Variants in CNTNAP5 observed in about 807,000 individuals in gnomAD.
The protein encoded by CNTNAP5 is contactin associated protein family member 5, also known as contactin-associated protein-like 5.
In CNTNAP5, 72 loss-of-function variants were observed where a neutral mutation model predicts 150.2. The observed-to-expected ratio is 0.48, with a 90% confidence interval of 0.40 to 0.58. The LOEUF is 0.58. Among genes scored for constraint, CNTNAP5 ranks in the 20% least tolerant of loss-of-function variants. The pLI is 0.00. For synonymous variants in CNTNAP5, 672 were observed against 619.8 expected, an observed-to-expected ratio of 1.08 and a Z score of -1.25; for missense variants, 1,636 against 1,626.2, an observed-to-expected ratio of 1.01 and a Z score of -0.10.
chr2:124,196,745 A>C (rs1283966751), intron 1 of CNTNAP5, among the ~76,000 whole-genome samples: 1 of 152,214 alleles, frequency 6.6e-6, no homozygotes, highest in Non-Finnish European at 1.5e-5. Context: ...GTAAAATACC[A>C]AAGAAACACA....
chr2:124,039,791 A>G (rs1681318385), intron 1 of CNTNAP5, among the ~76,000 whole-genome samples: 1 of 152,212 alleles, frequency 6.6e-6, no homozygotes. Flanking sequence ...ATAATTAAAT[A>G]TAGGATGGTA....
At chr2:124,079,133 T>C (rs539030513) in intron 1 of CNTNAP5, among the ~76,000 whole-genome samples, 1 of 152,170 alleles carries the variant, frequency 6.6e-6, no homozygotes, top group Admixed American at 6.5e-5. Context: ...AAGTCATAAG[T>C]AGGACAAAGA....
intron 4 of CNTNAP5, among the ~76,000 whole-genome samples, chr2:124,420,136 G>A (rs532524301): frequency 1.7e-4 from 26 of 151,056 alleles, no homozygotes; most frequent in African/African-American, 4.1e-4. Flanking sequence ...GATTACAGGC[G>A]TGCACCACCA....
At chr2:124,644,432 G>C (rs1678162264) in intron 12 of CNTNAP5, among the ~76,000 whole-genome samples, 1 of 152,130 alleles carries the variant, frequency 6.6e-6, no homozygotes, top group Non-Finnish European at 1.5e-5. Flanking sequence ...ATGAAAGATT[G>C]ACTCTCTAAT....
chr2:124,362,569 C>G (rs1690242723), intron 3 of CNTNAP5, among the ~76,000 whole-genome samples: 1 of 152,188 alleles, frequency 6.6e-6, no homozygotes, highest in Non-Finnish European at 1.5e-5. Context: ...CTTTCAGCTT[C>G]TCTATCATGG....
At chr2:124,608,274 G>C (rs1677298963) in intron 11 of CNTNAP5, among the ~76,000 whole-genome samples, 1 of 152,150 alleles carries the variant, frequency 6.6e-6, no homozygotes, top group African/African-American at 2.4e-5. Flanking sequence ...ACAGCATTTT[G>C]TCTGAAGCAT....
rs193063468 is a variant in CNTNAP5 at position 124,285,864 on chromosome 2, G to A, written c.381+43471G>A. Among the ~76,000 whole-genome samples the A allele has an allele frequency of 2.2e-3, 341 of 151,854 alleles. 1 individual carries two copies. The highest frequency in any genetic ancestry group is 7.7e-3 in the African/African-American group (320 of 41,436). On this transcript the variant is annotated intron_variant, in intron 3 of 23. Transcript: ENST00000682447. ...AGAAAAGAGAAGAGAGAAAACCCTGGGTATGTAAATCTTGTTGACACTGTC... is the reference window on the plus strand; with the variant it reads ...AGAAAAGAGAAGAGAGAAAACCCTGAGTATGTAAATCTTGTTGACACTGTC...
At chr2:124,257,568 G>T (rs1687343313) in intron 3 of CNTNAP5, among the ~76,000 whole-genome samples, 1 of 152,130 alleles carries the variant, frequency 6.6e-6, no homozygotes, top group Non-Finnish European at 1.5e-5. Flanking sequence ...TCAAGATCTA[G>T]TTCAGCTCTA....
chr2:124,604,303 T>C lies in CNTNAP5; in HGVS notation c.1757-5498T>C, dbSNP rs151298816. ...ATTAGCTTTTTCTTGCTATGTTTAA[T>C]AGTTTCATAATATAATAGCAATATC... is the stretch of plus-strand genomic sequence containing the variant. On this transcript the variant is annotated intron_variant, in intron 11 of 23. Coordinates refer to ENST00000682447, the MANE Select transcript of CNTNAP5 (RefSeq NM_001367498.1). Among the ~76,000 whole-genome samples the C allele has an allele frequency of 2.8e-3, 423 of 152,308 alleles. 2 individuals are homozygous for C. Among genetic ancestry groups the C allele is most frequent in the African/African-American group, 9.6e-3 (400 of 41,574 alleles).
At chr2:124,486,809 A>C (rs1693891676) in intron 7 of CNTNAP5, among the ~76,000 whole-genome samples, 1 of 152,172 alleles carries the variant, frequency 6.6e-6, no homozygotes, top group African/African-American at 2.4e-5. Flanking sequence ...TGAAACTACT[A>C]CTTTTATTAT....
At chr2:124,100,780 A>C (rs1169779763) in intron 1 of CNTNAP5, among the ~76,000 whole-genome samples, 1 of 150,816 alleles carries the variant, frequency 6.6e-6, no homozygotes, top group East Asian at 2.0e-4. Context: ...CACTAGAATC[A>C]TTTGAACCTG....
chr2:124,079,090 C>T (rs567614091), intron 1 of CNTNAP5, among the ~76,000 whole-genome samples: 7 of 152,122 alleles, frequency 4.6e-5, no homozygotes, highest in Non-Finnish European at 1.0e-4. Context: ...TGAGTCTGGG[C>T]TTAAGTGAAA....
Position 124,505,798 on chromosome 2 carries a change from A to C in CNTNAP5, c.1327+1242A>C, listed in dbSNP as rs577666459. Among the ~76,000 whole-genome samples the C allele has an allele frequency of 1.4e-4, 22 of 152,272 alleles. No homozygotes were observed. The South Asian group carries it at 2.3e-3, about 16-fold the overall frequency. On this transcript the variant is annotated intron_variant, in intron 8 of 23. Coordinates refer to ENST00000682447, the MANE Select transcript of CNTNAP5 (RefSeq NM_001367498.1). Reference sequence around the variant, plus strand: ...CATTGAGGTCAAATCTCACATGCCAAGGATTGGGCAGGGATTGGTCTGCAG... The same window carrying C: ...CATTGAGGTCAAATCTCACATGCCACGGATTGGGCAGGGATTGGTCTGCAG...
chr2:124,653,973 G>A (rs564762502), intron 13 of CNTNAP5, among the ~76,000 whole-genome samples: 53 of 127,764 alleles, frequency 4.1e-4, no homozygotes, highest in Non-Finnish European at 7.4e-4. Flanking sequence ...GAAAGGTCCA[G>A]AAGGACAAAT....
At chr2:124,701,534 G>T (rs1171024103) in intron 13 of CNTNAP5, among the ~76,000 whole-genome samples, 2 of 152,060 alleles carry the variant, frequency 1.3e-5, no homozygotes, top group Admixed American at 6.6e-5. Context: ...TCTTTTGGGG[G>T]TATGCATTGA....
Position 124,151,273 on chromosome 2 carries a change from T to C in CNTNAP5, c.83-70432T>C, listed in dbSNP as rs139950410. Among the ~76,000 whole-genome samples the C allele has an allele frequency of 1.5e-4, 23 of 152,272 alleles. No individual in the cohort carries two copies. In the East Asian group the frequency reaches 3.5e-3, roughly 23 times the overall value. On this transcript the variant is annotated intron_variant, in intron 1 of 23. Coordinates refer to ENST00000682447, the MANE Select transcript of CNTNAP5 (RefSeq NM_001367498.1). Reference sequence around the variant, plus strand: ...GAATCCTAAGAACAATGCCAAGCCCTGAGAGGTTTCTAAACAGAGGAGAGA... The same window carrying C: ...GAATCCTAAGAACAATGCCAAGCCCCGAGAGGTTTCTAAACAGAGGAGAGA...
intron 3 of CNTNAP5, among the ~76,000 whole-genome samples, chr2:124,402,137 A>T (rs747246799): frequency 1.3e-5 from 2 of 152,178 alleles, no homozygotes; most frequent in Non-Finnish European, 2.9e-5. Context: ...CCATGTTAGG[A>T]TCCCTTCATA....
chr2:124,610,238 GCAAA>G (rs1294432454), intron 12 of CNTNAP5, among the ~76,000 whole-genome samples: 4 of 152,230 alleles, frequency 2.6e-5, no homozygotes, highest in East Asian at 3.9e-4. Context: ...AGGTAAATAA[GCAAA>G]CAAACAAACA....
intron 14 of CNTNAP5, among the ~76,000 whole-genome samples, chr2:124,757,194 G>A (rs1193210792): frequency 6.6e-6 from 1 of 152,214 alleles, no homozygotes; most frequent in African/African-American, 2.4e-5. Flanking sequence ...TGTGAATGTG[G>A]AACAGAAGAG....
Sources: gnomAD v4.1 joint callset for allele counts (sites outside exome capture counted in the v4.1 genomes callset) on GRCh38, gnomAD v4.1.1 for gene constraint, MANE v1.5 for transcripts, NCBI Gene and HGNC (gene_info 2026-07-23, HGNC 2026-07-21) for gene names.